ARHGAP21: variants seen among roughly 807,000 people sequenced by gnomAD.
ARHGAP21 encodes rho GTPase-activating protein 21.
In ARHGAP21, 38 loss-of-function variants were observed where a neutral mutation model predicts 164.6. The ratio of observed to expected loss-of-function variants is 0.23; its 90% CI spans 0.18 to 0.30. The LOEUF (loss-of-function observed/expected upper bound fraction) is 0.30, where lower values mean the gene tolerates loss of function less well. Among genes scored for constraint, ARHGAP21 ranks in the 10% least tolerant of loss-of-function variants. ARHGAP21 has a pLI of 1.00. For missense variants in ARHGAP21, 1,822 were observed against 2,370.7 expected, an observed-to-expected ratio of 0.77 and a Z score of 4.81; for synonymous variants, 766 against 857.9, an observed-to-expected ratio of 0.89 and a Z score of 1.87.
At chr10:24,627,892 A>T (rs1835299202) in intron 7 of ARHGAP21, among the ~76,000 whole-genome samples, 1 of 152,234 alleles carries the variant, frequency 6.6e-6, no homozygotes. Flanking sequence ...CATGCCAGCC[A>T]TTCTGTGAAA....
At chr10:24,707,635 T>C (rs1382643945) in intron 2 of ARHGAP21, among the ~76,000 whole-genome samples, 4 of 152,180 alleles carry the variant, frequency 2.6e-5, no homozygotes, top group Non-Finnish European at 5.9e-5. Context: ...TTCCCTAATC[T>C]GCATAGTGGC....
chr10:24,649,394 G>C (rs1201327226), intron 4 of ARHGAP21, among the ~76,000 whole-genome samples: 1 of 152,182 alleles, frequency 6.6e-6, no homozygotes, highest in African/African-American at 2.4e-5. Context: ...CCCAAGTCCA[G>C]TTAGGAATCT....
chr10:24,595,605 C>T (rs2076547743), intron 19 of ARHGAP21, 112 bp downstream of exon 19: 5 of 1,055,924 alleles, frequency 4.7e-6, no homozygotes, highest in South Asian at 3.3e-5. Context: ...TAAATAAAGC[C>T]TCCTGCTTCC....
chr10:24,653,517 G>A (rs1204346522), intron 4 of ARHGAP21, among the ~76,000 whole-genome samples: 4 of 151,924 alleles, frequency 2.6e-5, no homozygotes, highest in African/African-American at 9.7e-5. Flanking sequence ...AGCTTGCAGT[G>A]AGCTGAGATC....
intron 21 of ARHGAP21, among the ~76,000 whole-genome samples, chr10:24,593,682 A>G (rs890495982): frequency 2.0e-5 from 3 of 152,180 alleles, no homozygotes; most frequent in African/African-American, 7.2e-5. Flanking sequence ...TATGCTAAAG[A>G]TTAATTCAGT....
chr10:24,704,289 C>CTTTTTTT (rs201080039), intron 2 of ARHGAP21, among the ~76,000 whole-genome samples: 6 of 125,974 alleles, frequency 4.8e-5, no homozygotes, highest in Non-Finnish European at 8.3e-5. Context: ...TTTTTCTTTT[C>CTTTTTTT]TTTTTTTTTT....
At chr10:24,688,052 A>G (rs1388292322) in intron 2 of ARHGAP21, among the ~76,000 whole-genome samples, 1 of 152,230 alleles carries the variant, frequency 6.6e-6, no homozygotes, top group Non-Finnish European at 1.5e-5. Flanking sequence ...AGACTACACA[A>G]TTTCAAAGAA....
At chr10:24,625,065 A>G (rs10828680) in intron 7 of ARHGAP21, among the ~76,000 whole-genome samples, 1,337 of 4,328 alleles carry the variant, frequency 0.31, 259 homozygotes, top group Non-Finnish European at 0.37. Context: ...GGGGGGGGGG[A>G]GGAGGAGGAG....
Position 24,664,564 on chromosome 10 carries a change from A to AT in ARHGAP21, c.268+2420_268+2421insA, listed in dbSNP as rs1343345290. 6.3e-3 allele frequency among the ~76,000 whole-genome samples: 938 copies of AT among 149,126 alleles called. 12 individuals are homozygous for AT. The highest frequency in any genetic ancestry group is 0.022 in the African/African-American group (873 of 40,274). ...AGTGAGATTCCGTCTCAAAAAAAAA[A>AT]AATAATAATAATAATAATAATAATA... On this transcript the variant is annotated intron_variant, in intron 4 of 25. Transcript: ENST00000396432.
At chr10:24,618,091 A>G (rs2131148086) in intron 9 of ARHGAP21, among the ~76,000 whole-genome samples, 1 of 152,198 alleles carries the variant, frequency 6.6e-6, no homozygotes, top group East Asian at 1.9e-4. Flanking sequence ...TAGCCTCTCT[A>G]TACCTTAAAT....
intron 2 of ARHGAP21, among the ~76,000 whole-genome samples, chr10:24,715,661 C>G (rs1845302807): frequency 1.3e-5 from 2 of 152,030 alleles, no homozygotes; most frequent in Admixed American, 6.6e-5. Flanking sequence ...TTAAGGTGGG[C>G]AGGAGGTCTA....
rs184425978 is a variant in ARHGAP21, at chr10:24,584,959, G to A, written c.5330C>T (p.Ala1777Val). The change falls in exon 26 of 26, where the codon GCG becomes GTG. Residue 1777 changes from alanine to valine, a missense_variant. Ala to Val is a moderately conservative substitution (Grantham distance 64). Coordinates refer to ENST00000396432, the MANE Select transcript of ARHGAP21 (RefSeq NM_020824.4). Reference sequence around the variant, plus strand: ...ATTCCCTACTCCAAACATGTCATCCGCAGGGGCTCTGGGTCTCAGTTTTAA... The same window carrying A: ...ATTCCCTACTCCAAACATGTCATCCACAGGGGCTCTGGGTCTCAGTTTTAA... ...DRLKLRPRAP[A>V]DDMFGVGNHK... 38 of 1,613,858 alleles carry A rather than the reference G, an allele frequency of 2.4e-5. No individual in the cohort carries two copies. The highest frequency in any genetic ancestry group is 2.7e-5 in the Non-Finnish European group (32 of 1,179,856).
At chr10:24,589,776 G>C (rs564402133) in intron 24 of ARHGAP21, 1 of 162,284 alleles carries the variant, frequency 6.2e-6, no homozygotes, top group South Asian at 1.9e-4. Flanking sequence ...TAAATTTTCT[G>C]AGCATTATGC....
chr10:24,721,731 C>T, intron 2 of ARHGAP21, 106 bp downstream of exon 2: 1 of 1,329,482 alleles, frequency 7.5e-7, no homozygotes. Flanking sequence ...GCTCAAAGCC[C>T]CGGGAAGCCC....
intron 7 of ARHGAP21, among the ~76,000 whole-genome samples, chr10:24,625,280 G>A (rs1835010225): frequency 2.2e-5 from 1 of 45,856 alleles, no homozygotes; most frequent in African/African-American, 6.6e-5. Flanking sequence ...ATGATAAATG[G>A]TAAACAAAAT....
chr10:24,611,040 G>T (rs2077235600), intron 9 of ARHGAP21, among the ~76,000 whole-genome samples: 1 of 152,134 alleles, frequency 6.6e-6, no homozygotes, highest in African/African-American at 2.4e-5. Flanking sequence ...CATCCTATTT[G>T]TTCCTCTTCG....
intron 4 of ARHGAP21, chr10:24,640,426 G>A (rs1012322332): frequency 1.3e-5 from 2 of 151,728 alleles, no homozygotes; most frequent in Non-Finnish European, 2.9e-5. Context: ...GCTTTTATGA[G>A]ACTTATTTCA....
chr10:24,672,364 G>A (rs190296477), intron 2 of ARHGAP21, among the ~76,000 whole-genome samples: 3 of 152,206 alleles, frequency 2.0e-5, no homozygotes, highest in East Asian at 1.9e-4. Flanking sequence ...ACTCACAGGC[G>A]ACTTTGTCTC....
At chr10:24,628,983 T>TATATATATATATATATATA (rs58780222) in intron 7 of ARHGAP21, 11 of 11,194 alleles carry the variant, frequency 9.8e-4, no homozygotes, top group African/African-American at 1.7e-3. Context: ...TATATATATA[T>TATATATATATATATATATA]TTTTTTTTTT....
Sources: allele counts gnomAD v4.1 joint callset (sites outside exome capture counted in the v4.1 genomes callset), GRCh38; gene constraint gnomAD v4.1.1; transcripts MANE v1.5; gene names NCBI Gene and HGNC (gene_info 2026-07-23, HGNC 2026-07-21).